PRMT8: variants seen among roughly 807,000 people sequenced by gnomAD.
The protein encoded by PRMT8 is protein arginine N-methyltransferase 8.
Under a neutral mutation model 47.1 loss-of-function variants are expected in PRMT8, and 7 were observed. The observed-to-expected ratio is 0.15, with a 90% CI of 0.08 to 0.28. PRMT8 has a LOEUF of 0.28. Ranked by LOEUF, PRMT8 falls within the 10% of genes least tolerant of loss-of-function variation. The pLI is 1.00. For missense variants in PRMT8, 237 were observed against 505.4 expected, an observed-to-expected ratio of 0.47 and a Z score of 5.09; for synonymous variants, 188 against 186.5, an observed-to-expected ratio of 1.01 and a Z score of -0.07.
At chr12:3,437,430 G>A (rs990592403) in intron 1 of PRMT8, among the ~76,000 whole-genome samples, 7 of 151,742 alleles carry the variant, frequency 4.6e-5, no homozygotes, top group Admixed American at 1.3e-4. Context: ...TACATTGTGC[G>A]TCCTAGGGGT....
At chr12:3,519,724 A>C (rs1865852669) in intron 1 of PRMT8, among the ~76,000 whole-genome samples, 1 of 152,166 alleles carries the variant, frequency 6.6e-6, no homozygotes, top group Non-Finnish European at 1.5e-5. Context: ...GGAAGATCCA[A>C]ATTAGGGTTG....
chr12:3,432,702 A>G (rs1210631049), intron 1 of PRMT8, among the ~76,000 whole-genome samples: 3 of 152,178 alleles, frequency 2.0e-5, no homozygotes, highest in Non-Finnish European at 4.4e-5. Context: ...GCTCATCTTT[A>G]TGGCCCGGTC....
At chr12:3,397,116 A>T (rs1243150216) in intron 1 of PRMT8, among the ~76,000 whole-genome samples, 1 of 151,644 alleles carries the variant, frequency 6.6e-6, no homozygotes, top group Non-Finnish European at 1.5e-5. Context: ...ACATTCTTCT[A>T]AATTTTTTTC....
chr12:3,466,452 C>G (rs530259107), intron 1 of PRMT8, among the ~76,000 whole-genome samples: 3 of 152,270 alleles, frequency 2.0e-5, no homozygotes, highest in Non-Finnish European at 4.4e-5. Flanking sequence ...TGAATCTGGG[C>G]AAGTCAGTTA....
Position 3,514,211 on chromosome 12 carries a change from C to CTTTT in PRMT8, c.75+22522_75+22525dup, listed in dbSNP as rs377360240. ...TCTAGCCTCTCTGAATTCATCCTGC[C>CTTTT]TTTTTTTTTTTTTTCTGTTACCCCT... is the stretch of plus-strand genomic sequence containing the variant. On this transcript the variant is annotated intron_variant, in intron 1 of 9. Transcript: ENST00000382622. This position sits in a 1 kb window ranked among gnomAD's most constrained non-coding sequence, Gnocchi z 5.9. Among the ~76,000 whole-genome samples, 86 of 141,912 alleles carry CTTTT rather than the reference C, an allele frequency of 6.1e-4. 2 individuals carry two copies. The East Asian group carries it at 9.7e-3, about 16-fold the overall frequency. 93.1% of individuals were successfully genotyped at this position (141,912 alleles called of 152,430 possible). A position where few individuals can be genotyped will look rare whatever the true frequency, so the allele number is the denominator to read the frequency against.
intron 1 of PRMT8, among the ~76,000 whole-genome samples, chr12:3,410,840 G>A (rs778971069): frequency 6.6e-6 from 1 of 152,144 alleles, no homozygotes; most frequent in African/African-American, 2.4e-5. Flanking sequence ...ACATTCCATG[G>A]GGCATTGGTC....
intron 1 of PRMT8, among the ~76,000 whole-genome samples, chr12:3,452,152 G>T (rs1047338293): frequency 1.3e-5 from 2 of 152,136 alleles, no homozygotes; most frequent in African/African-American, 4.8e-5. Context: ...ACACACACTG[G>T]GGCCTCCTTG....
chr12:3,517,006 C>T (rs1340015546), intron 1 of PRMT8, among the ~76,000 whole-genome samples: 2 of 152,082 alleles, frequency 1.3e-5, no homozygotes, highest in Non-Finnish European at 2.9e-5. Context: ...GCAAGACAAC[C>T]TAAAAACAAC....
Position 3,409,991 on chromosome 12 carries a change from C to T in PRMT8, c.48+28549C>T, listed in dbSNP as rs1048166654. ...GGATGGAGTGGCTCTGGCCCTCTGG[C>T]AGCCTGTTACCTCTGGTTAGCTCCT... On this transcript the variant is annotated intron_variant, in intron 1 of 9. Transcript: ENST00000452611. This position sits in a 1 kb window ranked among gnomAD's most constrained non-coding sequence, Gnocchi z 4.4. Among the ~76,000 whole-genome samples the T allele has an allele frequency of 6.6e-6, 1 of 152,224 alleles. No homozygotes were observed. Among genetic ancestry groups the T allele is most frequent in the African/African-American group, 2.4e-5 (1 of 41,466 alleles).
At chr12:3,510,051 T>C (rs1004424120) in intron 1 of PRMT8, among the ~76,000 whole-genome samples, 2 of 152,002 alleles carry the variant, frequency 1.3e-5, no homozygotes, top group Non-Finnish European at 2.9e-5. Flanking sequence ...TATTTTAGGG[T>C]TTGGAGGAGC....
At chr12:3,548,882 A>G (rs563738450) in intron 2 of PRMT8, among the ~76,000 whole-genome samples, 2 of 152,366 alleles carry the variant, frequency 1.3e-5, no homozygotes, top group Admixed American at 1.3e-4. Flanking sequence ...AATAAATAGC[A>G]AAAAACTGGA....
intron 2 of PRMT8, among the ~76,000 whole-genome samples, chr12:3,546,516 A>T (rs559464677): frequency 1.3e-5 from 2 of 152,352 alleles, no homozygotes; most frequent in South Asian, 2.1e-4. Flanking sequence ...GATCACACAG[A>T]TACTCAACAG....
intron 1 of PRMT8, among the ~76,000 whole-genome samples, chr12:3,410,433 AGATCTCT>A (rs745365327): frequency 6.6e-6 from 1 of 152,142 alleles, no homozygotes; most frequent in Non-Finnish European, 1.5e-5. Flanking sequence ...TTGACTCTCA[AGATCTCT>A]GATGCCTGTA....
At chr12:3,424,555 C>CT (rs1864581267) in intron 1 of PRMT8, among the ~76,000 whole-genome samples, 1 of 152,068 alleles carries the variant, frequency 6.6e-6, no homozygotes, top group African/African-American at 2.4e-5. Context: ...TTGGGGACCC[C>CT]TTTTTCTTCT....
chr12:3,571,645 G>A (rs926099626), intron 6 of PRMT8, among the ~76,000 whole-genome samples: 2 of 152,018 alleles, frequency 1.3e-5, no homozygotes, highest in Non-Finnish European at 2.9e-5. Flanking sequence ...CTGAAAGTTA[G>A]CACCATGTTA....
At chr12:3,495,108 C>A (rs1320963789) in intron 1 of PRMT8, among the ~76,000 whole-genome samples, 2 of 152,214 alleles carry the variant, frequency 1.3e-5, no homozygotes, top group African/African-American at 4.8e-5. Flanking sequence ...GTCCCACTCT[C>A]CTCTTCAGCC....
rs547570039 is a variant in PRMT8 at position 3,593,258 on chromosome 12, C to T, written c.*76C>T. ...TCTGCCGTGCCGTCCCAAAGAATACCGTTTGCAGGACTACACACTTGAAAA... is the reference window on the plus strand; with the variant it reads ...TCTGCCGTGCCGTCCCAAAGAATACTGTTTGCAGGACTACACACTTGAAAA... On this transcript the variant is annotated 3_prime_UTR_variant, in exon 10 of 10. Transcript: ENST00000382622. The surrounding 1 kb of genome is among the most constrained non-coding windows in gnomAD (Gnocchi z 4.8). 35 of 1,263,874 alleles carry T rather than the reference C, an allele frequency of 2.8e-5. No homozygotes were observed. Among genetic ancestry groups the T allele is most frequent in the Middle Eastern group, 1.9e-4 (1 of 5,326 alleles). The allele number at this position is 1,263,874 out of a possible 1,614,324, so 78.3% of individuals were successfully genotyped here. A position where few individuals can be genotyped will look rare whatever the true frequency, so the allele number is the denominator to read the frequency against.
chr12:3,389,955 G>A (rs778103155), intron 1 of PRMT8, among the ~76,000 whole-genome samples: 1 of 152,242 alleles, frequency 6.6e-6, no homozygotes, highest in Non-Finnish European at 1.5e-5. Flanking sequence ...GGCTGCATCC[G>A]CTGCAGGCCC....
At chr12:3,414,744 G>A (rs1440027925) in intron 1 of PRMT8, among the ~76,000 whole-genome samples, 1 of 152,136 alleles carries the variant, frequency 6.6e-6, no homozygotes, top group African/African-American at 2.4e-5. Context: ...AGGGGATGGT[G>A]TGGGAAGAAG....
Sources: gnomAD v4.1 joint callset for allele counts (sites outside exome capture counted in the v4.1 genomes callset) on GRCh38, gnomAD v4.1.1 for gene constraint, Gnocchi (gnomAD v3.1) non-coding constraint, MANE v1.5 for transcripts, NCBI Gene and HGNC (gene_info 2026-07-23, HGNC 2026-07-21) for gene names.